The following NCOA1 variants were observed in gnomAD, a reference collection of about 807,000 sequenced individuals.
NCOA1 encodes nuclear receptor coactivator 1, also known as Hin-2 protein.
Under a neutral mutation model 150.9 loss-of-function variants are expected in NCOA1, and 35 were observed. The observed-to-expected ratio is 0.23, with a 90% CI of 0.18 to 0.31. NCOA1 has a LOEUF of 0.31. Ranked by LOEUF, NCOA1 falls within the 10% of genes least tolerant of loss-of-function variation. NCOA1 has a pLI of 1.00. For synonymous variants in NCOA1, 590 were observed against 630.0 expected, an observed-to-expected ratio of 0.94 and a Z score of 0.95; for missense variants, 1,491 against 1,749.3, an observed-to-expected ratio of 0.85 and a Z score of 2.63.
chr2:24,757,863 C>T, intron 20 of NCOA1, 110 bp from the exon 21 acceptor site: 2 of 953,720 alleles, frequency 2.1e-6, no homozygotes, highest in South Asian at 3.3e-5. Context: ...AAGTTACAGT[C>T]ATACATGCAA....
intron 3 of NCOA1, among the ~76,000 whole-genome samples, chr2:24,613,584 G>A (rs1041088857): frequency 1.3e-5 from 2 of 152,194 alleles, no homozygotes; most frequent in Non-Finnish European, 2.9e-5. Context: ...TCTTAATCCA[G>A]GAGAGTGGGT....
At chr2:24,569,552 ATTTTTT>A (rs200639064) in intron 2 of NCOA1, among the ~76,000 whole-genome samples, 15 of 93,794 alleles carry the variant, frequency 1.6e-4, no homozygotes, top group African/African-American at 5.2e-4. Flanking sequence ...GGTTTTATTA[ATTTTTT>A]TTTTTTTTTT....
chr2:24,567,594 T>G (rs1666567996), intron 2 of NCOA1, among the ~76,000 whole-genome samples: 1 of 152,206 alleles, frequency 6.6e-6, no homozygotes, highest in African/African-American at 2.4e-5. Flanking sequence ...TAGAATCCCT[T>G]TCTAAGTAAT....
intron 10 of NCOA1, among the ~76,000 whole-genome samples, chr2:24,694,257 G>A (rs748704204): frequency 6.6e-6 from 1 of 152,058 alleles, no homozygotes; most frequent in Non-Finnish European, 1.5e-5. Context: ...TATATTATTT[G>A]ATTTTATCTT....
At chr2:24,627,511 G>GA (rs1331708648) in intron 3 of NCOA1, among the ~76,000 whole-genome samples, 1 of 152,124 alleles carries the variant, frequency 6.6e-6, no homozygotes, top group Non-Finnish European at 1.5e-5. Context: ...CCTGCACATA[G>GA]AAAAAATTAG....
At chr2:24,686,767 TC>T (rs375644997) in intron 8 of NCOA1, among the ~76,000 whole-genome samples, 145 of 152,290 alleles carry the variant, frequency 9.5e-4, no homozygotes, top group Non-Finnish European at 1.6e-3. Context: ...AATCAGGGTA[TC>T]TAGAAAGATC....
intron 3 of NCOA1, among the ~76,000 whole-genome samples, chr2:24,633,169 A>C (rs1454510463): frequency 6.6e-6 from 1 of 152,080 alleles, no homozygotes; most frequent in Non-Finnish European, 1.5e-5. Context: ...TATATATACA[A>C]ATACCCAGAT....
chr2:24,685,103 T>A (rs1473217296), intron 8 of NCOA1, among the ~76,000 whole-genome samples: 1 of 152,008 alleles, frequency 6.6e-6, no homozygotes, highest in Non-Finnish European at 1.5e-5. Flanking sequence ...TATTTATATA[T>A]ATATATTCAC....
intron 11 of NCOA1, among the ~76,000 whole-genome samples, chr2:24,701,355 C>A (rs565952702): frequency 6.6e-6 from 1 of 151,788 alleles, no homozygotes; most frequent in Non-Finnish European, 1.5e-5. Flanking sequence ...AATAAAAATA[C>A]AAAAATTAGC....
At chr2:24,673,256 C>T (rs1671761247) in intron 6 of NCOA1, 110 bp from the exon 7 acceptor site, 2 of 646,510 alleles carry the variant, frequency 3.1e-6, no homozygotes, top group East Asian at 6.1e-5. Flanking sequence ...TAGATACTGA[C>T]TAAATGTTAT....
intron 1 of NCOA1, among the ~76,000 whole-genome samples, chr2:24,530,799 G>A (rs1461494286): frequency 6.6e-6 from 1 of 152,182 alleles, no homozygotes; most frequent in Non-Finnish European, 1.5e-5. Flanking sequence ...GGAAGAGTGA[G>A]GAGATGAAAA....
At chr2:24,493,939 G>A (rs192246693) in intron 1 of NCOA1, among the ~76,000 whole-genome samples, 5 of 152,180 alleles carry the variant, frequency 3.3e-5, no homozygotes, top group Non-Finnish European at 7.3e-5. Context: ...TAATCTTTTG[G>A]TGGGCAGAAG....
intron 1 of NCOA1, among the ~76,000 whole-genome samples, chr2:24,553,516 C>T (rs1665952068): frequency 6.6e-6 from 1 of 152,180 alleles, no homozygotes; most frequent in Non-Finnish European, 1.5e-5. Flanking sequence ...CTTTGCCCAG[C>T]ACAAATGCCG....
intron 3 of NCOA1, among the ~76,000 whole-genome samples, chr2:24,642,882 A>G (rs1670295214): frequency 6.6e-6 from 1 of 152,224 alleles, no homozygotes; most frequent in African/African-American, 2.4e-5. Flanking sequence ...ATTCCATGCT[A>G]TATGATTCAA....
chr2:24,599,595 A>G (rs1668022628), intron 3 of NCOA1, among the ~76,000 whole-genome samples: 1 of 152,204 alleles, frequency 6.6e-6, no homozygotes, highest in Non-Finnish European at 1.5e-5. Flanking sequence ...ATAGGGAAGC[A>G]GGAAGCCCCA....
intron 1 of NCOA1, among the ~76,000 whole-genome samples, chr2:24,501,666 A>T (rs1663468306): frequency 6.6e-6 from 1 of 152,196 alleles, no homozygotes; most frequent in Admixed American, 6.5e-5. Context: ...GGCTATCATG[A>T]TTCTATACCA....
At chr2:24,505,822 A>T (rs1232698152) in intron 1 of NCOA1, among the ~76,000 whole-genome samples, 2 of 152,208 alleles carry the variant, frequency 1.3e-5, no homozygotes, top group African/African-American at 4.8e-5. Context: ...ATTGAAAAAC[A>T]TATTGGATGA....
intron 1 of NCOA1, among the ~76,000 whole-genome samples, chr2:24,526,624 A>G (rs1036214825): frequency 1.3e-5 from 2 of 152,018 alleles, no homozygotes; most frequent in African/African-American, 4.8e-5. Context: ...CTTATCCTCA[A>G]TTTTGAAAAA....
At chr2:24,693,196 G>A in intron 9 of NCOA1, 56 bp from the exon 10 acceptor site, 1 of 1,508,056 alleles carries the variant, frequency 6.6e-7, no homozygotes. Flanking sequence ...GCGAGTGATA[G>A]ATATAAACCA....
Sources: allele counts gnomAD v4.1 joint callset (sites outside exome capture counted in the v4.1 genomes callset), GRCh38; gene constraint gnomAD v4.1.1; transcripts MANE v1.5; gene names NCBI Gene and HGNC (gene_info 2026-07-23, HGNC 2026-07-21).